Variants in BMPR1A observed in about 807,000 individuals in gnomAD.
BMPR1A encodes the protein bone morphogenetic protein receptor type-1A.
BMPR1A carries 7 observed loss-of-function variants against 66.0 expected under a neutral mutation model. The observed-to-expected ratio is 0.11, with a 90% confidence interval of 0.06 to 0.20. BMPR1A has a LOEUF of 0.20. Ranked by LOEUF, BMPR1A falls within the 10% of genes least tolerant of loss-of-function variation. BMPR1A has a pLI of 1.00. For missense variants in BMPR1A, 408 were observed against 669.1 expected, an observed-to-expected ratio of 0.61 and a Z score of 4.31; for synonymous variants, 200 against 229.7, an observed-to-expected ratio of 0.87 and a Z score of 1.17.
At chr10:86,782,896 A>G (rs975492888) in intron 1 of BMPR1A, among the ~76,000 whole-genome samples, 7 of 151,870 alleles carry the variant, frequency 4.6e-5, no homozygotes, top group Admixed American at 1.3e-4. Context: ...TTCTGTGTCT[A>G]TTTTTGCCTT....
chr10:86,814,813 T>C (rs1842012346), intron 1 of BMPR1A, among the ~76,000 whole-genome samples: 1 of 151,986 alleles, frequency 6.6e-6, no homozygotes, highest in African/African-American at 2.4e-5. Flanking sequence ...TGAGACGGAG[T>C]CTTACTCTGT....
At chr10:86,902,809 G>A (rs1843332254) in intron 7 of BMPR1A, among the ~76,000 whole-genome samples, 1 of 152,220 alleles carries the variant, frequency 6.6e-6, no homozygotes, top group African/African-American at 2.4e-5. Flanking sequence ...TCAGTTCGAA[G>A]AGTTGTGAGG....
rs35115658 is a variant in BMPR1A, at chr10:86,809,966, A to ATATTAT, written c.-267-28885_-267-28880dup. 4.3e-4 allele frequency among the ~76,000 whole-genome samples: 64 copies of ATATTAT among 150,482 alleles called. No homozygotes were observed. In the East Asian group the frequency reaches 6.8e-3, roughly 16 times the overall value. ...GTACTTCATTTCTTTTAGTTGCTGA[A>ATATTAT]TATTATTATTATTATTATTTTTGAG... is the stretch of plus-strand genomic sequence containing the variant. On this transcript the variant is annotated intron_variant, in intron 1 of 12. Transcript: ENST00000372037.
chr10:86,865,440 G>A (rs997899269), intron 2 of BMPR1A, among the ~76,000 whole-genome samples: 23 of 152,098 alleles, frequency 1.5e-4, no homozygotes, highest in Admixed American at 8.5e-4. Flanking sequence ...CTCTTTGACT[G>A]TAATTTTCCT....
intron 7 of BMPR1A, among the ~76,000 whole-genome samples, chr10:86,908,947 A>G (rs1843437021): frequency 6.6e-6 from 1 of 152,202 alleles, no homozygotes; most frequent in African/African-American, 2.4e-5. Context: ...CATTTCCTCT[A>G]CATCCCCAAG....
chr10:86,852,617 C>T (rs1842586345), intron 2 of BMPR1A, among the ~76,000 whole-genome samples: 1 of 152,010 alleles, frequency 6.6e-6, no homozygotes, highest in Non-Finnish European at 1.5e-5. Context: ...AACCCTGAAG[C>T]CTTAAATATT....
At chr10:86,864,559 G>C (rs1203231532) in intron 2 of BMPR1A, among the ~76,000 whole-genome samples, 1 of 152,160 alleles carries the variant, frequency 6.6e-6, no homozygotes, top group Non-Finnish European at 1.5e-5. Flanking sequence ...GGAGGACTCT[G>C]TATATTCTTA....
intron 1 of BMPR1A, among the ~76,000 whole-genome samples, chr10:86,800,289 A>G (rs964888943): frequency 6.6e-6 from 1 of 152,150 alleles, no homozygotes; most frequent in African/African-American, 2.4e-5. Context: ...CTCAGTTGCC[A>G]TCACTCACTG....
At chr10:86,791,426 C>G (rs1390886107) in intron 1 of BMPR1A, among the ~76,000 whole-genome samples, 3 of 151,884 alleles carry the variant, frequency 2.0e-5, no homozygotes, top group Non-Finnish European at 4.4e-5. Context: ...GTTGGCCAGG[C>G]TGGTCTCAAT....
chr10:86,887,429 T>C (rs112503750), intron 3 of BMPR1A, among the ~76,000 whole-genome samples: 8 of 152,358 alleles, frequency 5.3e-5, no homozygotes, highest in African/African-American at 9.6e-5. Flanking sequence ...AGTGATCTTT[T>C]AGTGTTCTGA....
intron 1 of BMPR1A, among the ~76,000 whole-genome samples, chr10:86,824,105 G>GTGTTTGTGTGTGTGTGTGTGTGTT (rs1554882220): frequency 3.4e-5 from 5 of 147,278 alleles, no homozygotes; most frequent in South Asian, 2.2e-4. Context: ...GTGTGTGTGT[G>GTGTTTGTGTGTGTGTGTGTGTGTT]TGTGTGTTTC....
At chr10:86,893,129 T>TG (rs1843176609) in intron 5 of BMPR1A, among the ~76,000 whole-genome samples, 1 of 152,166 alleles carries the variant, frequency 6.6e-6, no homozygotes, top group Non-Finnish European at 1.5e-5. Context: ...TTGTAGATTA[T>TG]AAAATTTACT....
In BMPR1A at chr10:86,797,068, C is replaced by CTTTTTTT. The variant is rs780930060; in HGVS notation, c.-268+40159_-268+40165dup. Among the ~76,000 whole-genome samples the CTTTTTTT allele has an allele frequency of 4.2e-3, 446 of 104,964 alleles. 8 individuals carry two copies. The highest frequency in any genetic ancestry group is 0.013 in the African/African-American group (384 of 30,430). The allele number at this position is 104,964 out of a possible 152,430, so 68.9% of individuals were successfully genotyped here. ...TTTTCCTTTCTTTTTCTTTTCTTTT[C>CTTTTTTT]TTTTTTTTTTTTTTTTGAGACAGTC... On this transcript the variant is annotated intron_variant, in intron 1 of 12. Coordinates refer to ENST00000372037, the MANE Select transcript of BMPR1A (RefSeq NM_004329.3).
intron 1 of BMPR1A, among the ~76,000 whole-genome samples, chr10:86,768,163 A>T (rs1018043611): frequency 2.0e-5 from 3 of 152,240 alleles, no homozygotes; most frequent in Non-Finnish European, 4.4e-5. Context: ...AAGAGGGTGT[A>T]GGAAGTTTTT....
chr10:86,897,643 A>G (rs1019747965), intron 5 of BMPR1A, among the ~76,000 whole-genome samples: 1 of 152,162 alleles, frequency 6.6e-6, no homozygotes, highest in Non-Finnish European at 1.5e-5. Context: ...GTATTGCTCC[A>G]TCACCCAGGC....
At chr10:86,793,957 G>A (rs1841667950) in intron 1 of BMPR1A, among the ~76,000 whole-genome samples, 1 of 152,102 alleles carries the variant, frequency 6.6e-6, no homozygotes, top group Admixed American at 6.6e-5. Context: ...AGTCAGCAAG[G>A]TGACATGGCT....
chr10:86,903,537 A>G (rs1049282259), intron 7 of BMPR1A, among the ~76,000 whole-genome samples: 1 of 152,086 alleles, frequency 6.6e-6, no homozygotes, highest in Non-Finnish European at 1.5e-5. Flanking sequence ...CCCAGAAGAG[A>G]GGAGGGACGA....
At chr10:86,866,406 T>TTTTC (rs1564707603) in intron 2 of BMPR1A, among the ~76,000 whole-genome samples, 3 of 107,608 alleles carry the variant, frequency 2.8e-5, no homozygotes, top group African/African-American at 1.4e-4. Flanking sequence ...TTTCTTTTTT[T>TTTTC]TTTTTTTTTT....
rs7902641 is a variant in BMPR1A, at chr10:86,762,884, G to A, written c.-268+5965G>A. Among the ~76,000 whole-genome samples the A allele has an allele frequency of 0.014, 2,095 of 152,016 alleles. 43 individuals are homozygous for A. The highest frequency in any genetic ancestry group is 0.048 in the African/African-American group (1,991 of 41,454). ...AGAAAGGACAAGGAGACTGTTTTTG[G>A]AAGTATTCAGTAGTATTTATTTATT... On this transcript the variant is annotated intron_variant, in intron 1 of 12. Coordinates refer to ENST00000372037, the MANE Select transcript of BMPR1A (RefSeq NM_004329.3).
Sources: gnomAD v4.1 joint callset for allele counts (sites outside exome capture counted in the v4.1 genomes callset) on GRCh38, gnomAD v4.1.1 for gene constraint, MANE v1.5 for transcripts, NCBI Gene and HGNC (gene_info 2026-07-23, HGNC 2026-07-21) for gene names.